TRIM24: variants seen among roughly 807,000 people sequenced by gnomAD.
The protein encoded by TRIM24 is transcription intermediary factor 1-alpha.
TRIM24 carries 29 observed loss-of-function variants against 123.9 expected under a neutral mutation model. That is an observed-to-expected ratio of 0.23 (90% CI 0.17 to 0.32). The LOEUF (loss-of-function observed/expected upper bound fraction) is 0.32, where lower values mean the gene tolerates loss of function less well. TRIM24 is among the 10% of genes least tolerant of loss of function. The probability of loss-of-function intolerance (pLI) is 1.00; values close to 1 mark genes in which losing one functional copy is unlikely to be tolerated. For missense variants in TRIM24, 932 were observed against 1,295.3 expected (o/e 0.72, Z 4.31); for synonymous variants, 456 against 461.1 (o/e 0.99, Z 0.14).
intron 3 of TRIM24, among the ~76,000 whole-genome samples, chr7:138,515,756 G>A (rs141033403): frequency 3.0e-3 from 464 of 152,280 alleles, no homozygotes; most frequent in African/African-American, 1.0e-2. Context: ...TATGTGGATA[G>A]CCAGAGAGGC....
At chr7:138,540,495 T>G (rs1796981207) in intron 7 of TRIM24, among the ~76,000 whole-genome samples, 1 of 152,214 alleles carries the variant, frequency 6.6e-6, no homozygotes, top group Admixed American at 6.5e-5. Flanking sequence ...TGCTCATCCA[T>G]AAGAAGCAAC....
At chr7:138,572,490 C>T (rs1198635249) in intron 11 of TRIM24, among the ~76,000 whole-genome samples, 1 of 52,366 alleles carries the variant, frequency 1.9e-5, no homozygotes, top group Admixed American at 1.5e-4. Flanking sequence ...CTCTGCAGTC[C>T]TCATACAGGT....
chr7:138,566,251 C>G (rs1331336713), intron 9 of TRIM24, among the ~76,000 whole-genome samples: 1 of 152,172 alleles, frequency 6.6e-6, no homozygotes, highest in Non-Finnish European at 1.5e-5. Flanking sequence ...CACAGTGGCT[C>G]AAGCCTGTAA....
At chr7:138,461,203 G>T in intron 1 of TRIM24, 2 of 669,436 alleles carry the variant, frequency 3.0e-6, no homozygotes, top group South Asian at 2.7e-5. Flanking sequence ...CACTTTTGCA[G>T]ACCTCTGTCG....
At chr7:138,536,266 C>T (rs376753142) in intron 6 of TRIM24, among the ~76,000 whole-genome samples, 8 of 152,200 alleles carry the variant, frequency 5.3e-5, no homozygotes, top group East Asian at 1.9e-4. Context: ...CTAGGAGCTG[C>T]GTTCCTTTGG....
chr7:138,504,622 G>A (rs1435856775), intron 2 of TRIM24, among the ~76,000 whole-genome samples: 1 of 151,578 alleles, frequency 6.6e-6, no homozygotes, highest in South Asian at 2.1e-4. Flanking sequence ...CACCATGCCC[G>A]GCTAGTTTTT....
chr7:138,467,175 AGTTT>A (rs1394415064), intron 1 of TRIM24, among the ~76,000 whole-genome samples: 21 of 152,276 alleles, frequency 1.4e-4, no homozygotes, highest in African/African-American at 5.1e-4. Context: ...GAAATTTGAC[AGTTT>A]GTTCTTTTTC....
chr7:138,585,272 T>C lies in TRIM24; in HGVS notation c.*321T>C, dbSNP rs1017715609. On this transcript the variant is annotated 3_prime_UTR_variant, in exon 19 of 19. Transcript: ENST00000343526. ...TGGATTTTTAAACCACAGTCTGGAG[T>C]GATAGCTACTGTAGAAAGGAAATAG... 1.1e-5 allele frequency: 3 copies of C among 268,264 alleles called. No homozygotes were observed. The highest frequency in any genetic ancestry group is 1.1e-3 in the Middle Eastern group (1 of 914). 16.6% of individuals were successfully genotyped at this position (268,264 alleles called of 1,614,324 possible). A position where few individuals can be genotyped will look rare whatever the true frequency, so the allele number is the denominator to read the frequency against.
chr7:138,555,632 G>A (rs774317652), intron 9 of TRIM24, among the ~76,000 whole-genome samples: 1 of 151,820 alleles, frequency 6.6e-6, no homozygotes, highest in African/African-American at 2.4e-5. Flanking sequence ...ATAGGCATGT[G>A]CCACCACACC....
chr7:138,462,872 A>ATTTT (rs762408724), intron 1 of TRIM24, among the ~76,000 whole-genome samples: 4 of 143,964 alleles, frequency 2.8e-5, no homozygotes, highest in African/African-American at 5.1e-5. Flanking sequence ...TTATTTATTT[A>ATTTT]TTTATTTTTT....
intron 11 of TRIM24, among the ~76,000 whole-genome samples, chr7:138,571,252 TC>T (rs1191269464): frequency 6.6e-6 from 1 of 152,120 alleles, no homozygotes; most frequent in East Asian, 1.9e-4. Flanking sequence ...TGAGCTGAGA[TC>T]ATGCCACTGC....
chr7:138,481,601 G>A (rs778808813), intron 1 of TRIM24, among the ~76,000 whole-genome samples: 2 of 151,998 alleles, frequency 1.3e-5, no homozygotes, highest in African/African-American at 2.4e-5. Flanking sequence ...CCAGGAGTTT[G>A]AGACTAGTGT....
chr7:138,527,902 G>A (rs1350143385), intron 5 of TRIM24, among the ~76,000 whole-genome samples: 1 of 152,058 alleles, frequency 6.6e-6, no homozygotes, highest in Non-Finnish European at 1.5e-5. Flanking sequence ...CTAGAACAAA[G>A]GCTGGGCCTA....
chr7:138,473,946 T>G (rs1352968404), intron 1 of TRIM24, among the ~76,000 whole-genome samples: 2 of 151,610 alleles, frequency 1.3e-5, no homozygotes, highest in Admixed American at 1.3e-4. Flanking sequence ...AATTTTTATT[T>G]TTATTGTAGA....
intron 2 of TRIM24, 35 bp downstream of exon 2, chr7:138,504,443 AGCTCTTTT>A: frequency 4.7e-6 from 3 of 641,470 alleles, no homozygotes; most frequent in Non-Finnish European, 7.1e-6. Flanking sequence ...TTTGCCTGCC[AGCTCTTTT>A]TTTTTTTTTT....
intron 1 of TRIM24, among the ~76,000 whole-genome samples, chr7:138,499,359 T>G (rs569502434): frequency 5.9e-5 from 9 of 152,138 alleles, no homozygotes; most frequent in Non-Finnish European, 1.2e-4. Flanking sequence ...CTTGCCTGAG[T>G]CCAGTGAGTC....
At chr7:138,475,286 C>T (rs1795372388) in intron 1 of TRIM24, among the ~76,000 whole-genome samples, 1 of 151,978 alleles carries the variant, frequency 6.6e-6, no homozygotes, top group African/African-American at 2.4e-5. Context: ...TAAAGATAAC[C>T]ATTAGGACAA....
chr7:138,521,454 T>A (rs185939473), intron 4 of TRIM24, among the ~76,000 whole-genome samples: 1 of 152,130 alleles, frequency 6.6e-6, no homozygotes, highest in African/African-American at 2.4e-5. Flanking sequence ...ACTAAAAGAA[T>A]AATAAGTACA....
chr7:138,562,664 CTGGCATCT>C (rs967373868), intron 9 of TRIM24, among the ~76,000 whole-genome samples: 5 of 152,224 alleles, frequency 3.3e-5, no homozygotes, highest in African/African-American at 1.2e-4. Flanking sequence ...TCTACTACCA[CTGGCATCT>C]AATCTTTAGC....
Sources: gnomAD v4.1 joint callset for allele counts (sites outside exome capture counted in the v4.1 genomes callset) on GRCh38, gnomAD v4.1.1 for gene constraint, MANE v1.5 for transcripts, NCBI Gene and HGNC (gene_info 2026-07-23, HGNC 2026-07-21) for gene names.